The following LRRC37A3 variants were observed in gnomAD, a reference collection of about 807,000 sequenced individuals.
The protein encoded by LRRC37A3 is leucine rich repeat containing 37 member A3.
In LRRC37A3, 25 loss-of-function variants were observed where a neutral mutation model predicts 106.2. The observed-to-expected ratio is 0.24, with a 90% confidence interval of 0.17 to 0.33. The LOEUF is 0.33. Ranked by LOEUF, LRRC37A3 falls within the 10% of genes least tolerant of loss-of-function variation. The probability of loss-of-function intolerance (pLI) is 1.00; values close to 1 mark genes in which losing one functional copy is unlikely to be tolerated. For missense variants in LRRC37A3, 712 were observed against 1,644.9 expected, an observed-to-expected ratio of 0.43 and a Z score of 9.81; for synonymous variants, 305 against 635.8, an observed-to-expected ratio of 0.48 and a Z score of 7.83.
At chr17:64,872,461 A>T (rs1973356127) in intron 8 of LRRC37A3, among the ~76,000 whole-genome samples, 1 of 152,130 alleles carries the variant, frequency 6.6e-6, no homozygotes, top group Non-Finnish European at 1.5e-5. Context: ...ATTCTCAGTT[A>T]ACTGTCATGA....
At chr17:64,904,203 T>A (rs1374004460) in intron 2 of LRRC37A3, among the ~76,000 whole-genome samples, 2 of 152,214 alleles carry the variant, frequency 1.3e-5, no homozygotes, top group East Asian at 3.9e-4. Context: ...TGACTTGGCA[T>A]GGTGGGTGGC....
At chr17:64,863,908 G>A (rs1426327426) in intron 10 of LRRC37A3, among the ~76,000 whole-genome samples, 2 of 151,598 alleles carry the variant, frequency 1.3e-5, no homozygotes, top group African/African-American at 4.9e-5. Context: ...GGGCTCAAGG[G>A]ATCCTCCAAA....
intron 2 of LRRC37A3, among the ~76,000 whole-genome samples, chr17:64,913,430 TC>T (rs1974634634): frequency 6.7e-6 from 1 of 149,846 alleles, no homozygotes; most frequent in Non-Finnish European, 1.5e-5. Flanking sequence ...AATATCCAAC[TC>T]CCGGATTCAA....
chr17:64,855,736 A>C, intron 14 of LRRC37A3, 104 bp downstream of exon 14: 6 of 1,565,096 alleles, frequency 3.8e-6, no homozygotes, highest in Non-Finnish European at 5.2e-6. Context: ...TGGGAAGTGG[A>C]GGTTGCCGTG....
intron 11 of LRRC37A3, 68 bp from the exon 12 acceptor site, chr17:64,861,041 G>A: frequency 6.2e-7 from 1 of 1,609,056 alleles, no homozygotes; most frequent in Non-Finnish European, 8.5e-7. Flanking sequence ...GTCCATAGCT[G>A]TACACTCCAG....
intron 2 of LRRC37A3, among the ~76,000 whole-genome samples, chr17:64,916,763 GCAAC>G (rs1974711443): frequency 6.7e-6 from 1 of 149,818 alleles, no homozygotes; most frequent in Non-Finnish European, 1.5e-5. Flanking sequence ...TCCAGCCTGG[GCAAC>G]AGAGCAAGAC....
At chr17:64,863,260 A>G (rs552720493) in intron 10 of LRRC37A3, 4 of 531,594 alleles carry the variant, frequency 7.5e-6, no homozygotes, top group Non-Finnish European at 1.4e-5. Context: ...ATTGGGTGAC[A>G]GTGATTAGTA....
At chr17:64,887,487 G>A (rs1973864266) in intron 6 of LRRC37A3, among the ~76,000 whole-genome samples, 1 of 54,986 alleles carries the variant, frequency 1.8e-5, no homozygotes, top group African/African-American at 9.4e-5. Flanking sequence ...CAGCCTGGGC[G>A]ACAGAGCGAG....
chr17:64,854,837 A>C (rs1972620372), intron 14 of LRRC37A3, among the ~76,000 whole-genome samples, 193 bp from the exon 15 acceptor site: 1 of 152,066 alleles, frequency 6.6e-6, no homozygotes, highest in Admixed American at 6.6e-5. Flanking sequence ...TGGCACTGAG[A>C]GGTTTGTACA....
chr17:64,879,904 T>G (rs1973639473), intron 8 of LRRC37A3, among the ~76,000 whole-genome samples: 1 of 152,184 alleles, frequency 6.6e-6, no homozygotes, highest in Non-Finnish European at 1.5e-5. Flanking sequence ...GTTTCTATTT[T>G]TTCTTAAACA....
intron 5 of LRRC37A3, among the ~76,000 whole-genome samples, 167 bp from the exon 6 acceptor site, chr17:64,889,919 A>T (rs1973907139): frequency 4.6e-5 from 1 of 21,914 alleles, no homozygotes. Flanking sequence ...TTTTGTGTCC[A>T]TCTCTCTCCA....
intron 10 of LRRC37A3, 34 bp from the exon 11 acceptor site, chr17:64,863,052 G>A: frequency 6.3e-7 from 1 of 1,597,304 alleles, no homozygotes; most frequent in Non-Finnish European, 8.5e-7. Context: ...TAAATTAGCG[G>A]TAAAGCGGTT....
chr17:64,860,904 G>T lies in LRRC37A3; in HGVS notation c.3242C>A (p.Thr1081Lys), dbSNP rs576091476. ...CGGCTCAATAATCAGCTCAGTGCTTGTGTAATTCTTCCGGGCTTGTAACAC... is the reference window on the plus strand; with the variant it reads ...CGGCTCAATAATCAGCTCAGTGCTTTTGTAATTCTTCCGGGCTTGTAACAC... ...MKVLQARKNY[T>K]STELIIEPEE... The change falls in exon 12 of 15, where the codon ACA becomes AAA. Residue 1081 changes from threonine to lysine, a missense_variant. Transcript: ENST00000584306. The T allele has an allele frequency of 6.2e-7, 1 of 1,614,018 alleles. No individual in the cohort carries two copies. The highest frequency in any genetic ancestry group is 1.1e-5 in the South Asian group (1 of 91,086).
chr17:64,866,983 A>C (rs1196459584), intron 10 of LRRC37A3, among the ~76,000 whole-genome samples: 5 of 151,392 alleles, frequency 3.3e-5, no homozygotes, highest in Non-Finnish European at 7.4e-5. Flanking sequence ...AAGATACATC[A>C]CATATGCAAA....
intron 2 of LRRC37A3, among the ~76,000 whole-genome samples, chr17:64,917,819 T>C (rs1280837691): frequency 6.8e-6 from 1 of 146,216 alleles, no homozygotes; most frequent in Non-Finnish European, 1.5e-5. Context: ...ATACCAAAAA[T>C]TCGCCAGGCG....
At chr17:64,890,120 C>T (rs1973912404) in intron 5 of LRRC37A3, among the ~76,000 whole-genome samples, 1 of 103,262 alleles carries the variant, frequency 9.7e-6, no homozygotes, top group Non-Finnish European at 1.7e-5. Flanking sequence ...ATTATGAAAG[C>T]CCCACATGGA....
At chr17:64,917,245 CAAAAAAAAAAAA>C (rs1283286984) in intron 2 of LRRC37A3, among the ~76,000 whole-genome samples, 1 of 28,422 alleles carries the variant, frequency 3.5e-5, no homozygotes, top group Non-Finnish European at 6.8e-5. Context: ...GACTCCATCT[CAAAAAAAAAAAA>C]AAAAAAAAAA....
chr17:64,919,141 G>A (rs534045006), intron 1 of LRRC37A3, among the ~76,000 whole-genome samples: 2 of 151,776 alleles, frequency 1.3e-5, no homozygotes, highest in Admixed American at 6.6e-5. Context: ...GCGGTGCCGC[G>A]AGCGGAACCC....
chr17:64,854,690 C>G, intron 14 of LRRC37A3, 46 bp from the exon 15 acceptor site: 8 of 1,612,430 alleles, frequency 5.0e-6, no homozygotes, highest in Non-Finnish European at 6.8e-6. Context: ...TTGAAAGGAG[C>G]AATTAAGCTT....
Sources: gnomAD v4.1 joint callset for allele counts (sites outside exome capture counted in the v4.1 genomes callset) on GRCh38, gnomAD v4.1.1 for gene constraint, MANE v1.5 for transcripts, NCBI Gene and HGNC (gene_info 2026-07-23, HGNC 2026-07-21) for gene names.